Variants in PCDHGA9 observed in about 807,000 individuals in gnomAD.
PCDHGA9 encodes protocadherin gamma-A9.
PCDHGA9 carries 37 observed loss-of-function variants against 62.5 expected under a neutral mutation model. The ratio of observed to expected loss-of-function variants is 0.59; its 90% CI spans 0.46 to 0.78. PCDHGA9 has a LOEUF of 0.78. PCDHGA9 is among the 30% of genes least tolerant of loss of function. PCDHGA9 has a pLI of 0.00. For synonymous variants in PCDHGA9, 459 were observed against 484.6 expected (o/e 0.95, Z 0.69); for missense variants, 1,138 against 1,166.2 (o/e 0.98, Z 0.35).
rs1369150914 is a variant in PCDHGA9 at position 141,432,217 on chromosome 5, G to A, written c.2424+26841G>A. The A allele has an allele frequency of 3.1e-6, 5 of 1,614,204 alleles. No individual in the cohort carries two copies. The East Asian group carries it at 6.7e-5, about 22-fold the overall frequency. On this transcript the variant is annotated intron_variant, in intron 1 of 3. Coordinates refer to ENST00000573521, the MANE Select transcript of PCDHGA9 (RefSeq NM_018921.3). The surrounding 1 kb of genome is among the most constrained non-coding windows in gnomAD (Gnocchi z 6.0). ...ACCCCGACTGTGAAGAGAACGCCCAGATCACTTATTCCCTGGCTGAGAACA... is the reference window on the plus strand; with the variant it reads ...ACCCCGACTGTGAAGAGAACGCCCAAATCACTTATTCCCTGGCTGAGAACA...
At chr5:141,494,770 C>A (rs767006872) in intron 1 of PCDHGA9, 37 bp from the exon 2 acceptor site, 14 of 1,613,904 alleles carry the variant, frequency 8.7e-6, no homozygotes, top group Non-Finnish European at 1.1e-5. Flanking sequence ...TAACTTCTCA[C>A]GGGTACTCAG....
chr5:141,471,618 A>C (rs1421854064), intron 1 of PCDHGA9: 1 of 152,218 alleles, frequency 6.6e-6, no homozygotes, highest in Non-Finnish European at 1.5e-5. Context: ...TGGGAGTAGT[A>C]AGCATTGGTA....
At chr5:141,415,909 C>A in intron 1 of PCDHGA9, 1 of 761,030 alleles carries the variant, frequency 1.3e-6, no homozygotes, top group Non-Finnish European at 1.8e-6. Flanking sequence ...GACTTCCATA[C>A]AGAAGTGCCT....
At position 141,485,144 on chromosome 5, in the gene PCDHGA9, G is replaced by A; in HGVS notation, c.2425-9663G>A. 6.4e-7 allele frequency: 1 copy of A among 1,564,192 alleles called. No homozygotes were observed. The highest frequency in any genetic ancestry group is 1.7e-5 in the Admixed American group (1 of 59,326). On this transcript the variant is annotated intron_variant, in intron 1 of 3. Transcript: ENST00000573521. This position sits in a 1 kb window ranked among gnomAD's most constrained non-coding sequence, Gnocchi z 5.7. ...CGGGTCGGCTTCATCCGCGTCTCAG[G>A]AGCAAGTAGAGAATTAGCGGGCGGC...
chr5:141,412,973 C>G, intron 1 of PCDHGA9: 1 of 528,318 alleles, frequency 1.9e-6, no homozygotes, highest in Non-Finnish European at 3.3e-6. Flanking sequence ...GGAGAGAAAA[C>G]GCAGCCAGAG....
At chr5:141,479,740 C>T (rs1434967266) in intron 1 of PCDHGA9, 1 of 152,168 alleles carries the variant, frequency 6.6e-6, no homozygotes, top group Non-Finnish European at 1.5e-5. Context: ...AGTATATGCA[C>T]AATGTGAAAG....
intron 1 of PCDHGA9, 33 bp from the exon 2 acceptor site, chr5:141,494,774 T>C (rs1462930792): frequency 6.2e-7 from 1 of 1,613,860 alleles, no homozygotes; most frequent in African/African-American, 1.3e-5. Flanking sequence ...TTCTCACGGG[T>C]ACTCAGCCCC....
chr5:141,403,748 G>A lies in PCDHGA9; in HGVS notation c.796G>A (p.Ala266Thr). 1 of 1,613,956 alleles carries A rather than the reference G, an allele frequency of 6.2e-7. No individual in the cohort carries two copies. Among genetic ancestry groups the A allele is most frequent in the East Asian group, 2.2e-5 (1 of 44,882 alleles). Residue 266 changes from alanine to threonine, a missense_variant, in exon 1 of 4, where the codon GCC (alanine) becomes ACC (threonine). By Grantham distance (58) the Ala-to-Thr change is moderately conservative. Transcript: ENST00000573521. Reference sequence around the variant, plus strand: ...AGGCACCTGGCTGCTTACTGCAACAGCCAGCGACCTGGATGAGGGAATCAA... The same window carrying A: ...AGGCACCTGGCTGCTTACTGCAACAACCAGCGACCTGGATGAGGGAATCAA... ...PPGTWLLTAT[A>T]SDLDEGINGK...
chr5:141,462,617 T>C (rs1413543706), intron 1 of PCDHGA9, among the ~76,000 whole-genome samples: 1 of 151,850 alleles, frequency 6.6e-6, no homozygotes, highest in East Asian at 1.9e-4. Context: ...TTTTCACTTT[T>C]AGAAGTTCCA....
chr5:141,455,466 A>G (rs1253494886), intron 1 of PCDHGA9, among the ~76,000 whole-genome samples: 1 of 152,164 alleles, frequency 6.6e-6, no homozygotes, highest in East Asian at 1.9e-4. Flanking sequence ...AGCCAGGTAT[A>G]TATGCAGAGG....
rs1000330093 is a variant in PCDHGA9 at position 141,511,812 on chromosome 5, C to T, written c.*639C>T. 2.5e-5 allele frequency: 4 copies of T among 157,260 alleles called. No individual in the cohort carries two copies. Among genetic ancestry groups the T allele is most frequent in the African/African-American group, 9.6e-5 (4 of 41,492 alleles). The allele number at this position is 157,260 out of a possible 1,614,324, so 9.7% of individuals were successfully genotyped here. The stretch of plus-strand genomic sequence containing the variant: ...TAGGGAGGGCATTTTGCTACCAAGC[C>T]TCTTCCCAACGCCCTGGGGACCAGT... On this transcript the variant is annotated 3_prime_UTR_variant, in exon 4 of 4. Transcript: ENST00000573521.
At position 141,430,974 on chromosome 5, in the gene PCDHGA9, C is replaced by T. The variant is rs141488923; in HGVS notation, c.2424+25598C>T. The T allele has an allele frequency of 7.0e-4, 1,130 of 1,613,070 alleles. 8 individuals carry two copies. In the African/African-American group the frequency reaches 0.014, roughly 19 times the overall value. On this transcript the variant is annotated intron_variant, in intron 1 of 3. Transcript: ENST00000573521. ...GTCCGCATCATCCCCAGAGGTAGGA[C>T]GCAGCTTTTCGCCCTGAATCCGCGC...
At chr5:141,434,883 C>T (rs1490696834) in intron 1 of PCDHGA9, among the ~76,000 whole-genome samples, 1 of 151,644 alleles carries the variant, frequency 6.6e-6, no homozygotes, top group Non-Finnish European at 1.5e-5. Context: ...ATACCAACAA[C>T]AATCCAGTCC....
At chr5:141,427,659 G>A (rs546743297) in intron 1 of PCDHGA9, 3 of 742,336 alleles carry the variant, frequency 4.0e-6, no homozygotes, top group East Asian at 5.3e-5. Context: ...CGTGGTCCAC[G>A]TGGCCGAAAA....
rs751905674 is a variant in PCDHGA9, at chr5:141,408,643, C to A, written c.2424+3267C>A. On this transcript the variant is annotated intron_variant, in intron 1 of 3. Coordinates refer to ENST00000573521, the MANE Select transcript of PCDHGA9 (RefSeq NM_018921.3). ...ATTTAGAAATTTTCGAATCTGCATCCGCTGGTACACGACTATCGCTTGACC... is the reference window on the plus strand; with the variant it reads ...ATTTAGAAATTTTCGAATCTGCATCAGCTGGTACACGACTATCGCTTGACC... 13 of 1,613,792 alleles carry A rather than the reference C, an allele frequency of 8.1e-6. No homozygotes were observed. The African/African-American group carries it at 1.6e-4, about 20-fold the overall frequency.
Position 141,490,705 on chromosome 5 carries a change from C to T in PCDHGA9, c.2425-4102C>T. 1 of 1,614,194 alleles carries T rather than the reference C, an allele frequency of 6.2e-7. No individual in the cohort carries two copies. Among genetic ancestry groups the T allele is most frequent in the South Asian group, 1.1e-5 (1 of 91,082 alleles). On this transcript the variant is annotated intron_variant, in intron 1 of 3. Coordinates refer to ENST00000573521, the MANE Select transcript of PCDHGA9 (RefSeq NM_018921.3). This position sits in a 1 kb window ranked among gnomAD's most constrained non-coding sequence, Gnocchi z 5.4. ...TCCAGACACTGGGGATAATGCCCGC[C>T]TCACCTACTCCATTGTAGGAAATCA...
At chr5:141,483,656 G>A (rs1345435222) in intron 1 of PCDHGA9, among the ~76,000 whole-genome samples, 1 of 151,984 alleles carries the variant, frequency 6.6e-6, no homozygotes, top group Non-Finnish European at 1.5e-5. Flanking sequence ...GTTTGTGTGT[G>A]TGTGTGTGTG....
intron 1 of PCDHGA9, among the ~76,000 whole-genome samples, chr5:141,460,135 T>G (rs2098983196): frequency 6.6e-6 from 1 of 152,044 alleles, no homozygotes; most frequent in South Asian, 2.1e-4. Flanking sequence ...ATATATATAT[T>G]CTTGATGTGA....
intron 3 of PCDHGA9, among the ~76,000 whole-genome samples, chr5:141,506,700 G>GT (rs1446452157): frequency 2.0e-5 from 3 of 152,138 alleles, no homozygotes; most frequent in Admixed American, 1.3e-4. Context: ...ACCCAAACCC[G>GT]TTTTTTACTG....
Sources: gnomAD v4.1 joint callset for allele counts (sites outside exome capture counted in the v4.1 genomes callset) on GRCh38, gnomAD v4.1.1 for gene constraint, Gnocchi (gnomAD v3.1) non-coding constraint, MANE v1.5 for transcripts, NCBI Gene and HGNC (gene_info 2026-07-23, HGNC 2026-07-21) for gene names.